Variants in KLF12 observed in about 807,000 individuals in gnomAD.
KLF12 encodes the protein KLF transcription factor 12, also known as Krueppel-like factor 12.
A neutral mutation model predicts 37.8 loss-of-function variants in KLF12; 9 were observed. That is an observed-to-expected ratio of 0.24 (90% CI 0.14 to 0.42). The LOEUF (loss-of-function observed/expected upper bound fraction) is 0.42, where lower values mean the gene tolerates loss of function less well. Among genes scored for constraint, KLF12 ranks in the 10% least tolerant of loss-of-function variants. The pLI, the probability that KLF12 is intolerant of heterozygous loss-of-function variation, is 1.00. For synonymous variants in KLF12, 208 were observed against 202.1 expected (o/e 1.03, Z -0.25); for missense variants, 411 against 516.0 (o/e 0.80, Z 1.97).
chr13:73,922,065 A>G (rs1889141534), intron 3 of KLF12, among the ~76,000 whole-genome samples: 1 of 152,028 alleles, frequency 6.6e-6, no homozygotes, highest in South Asian at 2.1e-4. Context: ...ATTTTCTACT[A>G]TTGCATACAA....
the KLF12 span, among the ~76,000 whole-genome samples, chr13:74,168,605 A>C: frequency 6.6e-6 from 1 of 152,212 alleles, no homozygotes; most frequent in South Asian, 2.1e-4. Flanking sequence ...TATATTCAGC[A>C]AACACAGTGA....
chr13:74,159,146 G>A, the KLF12 span, among the ~76,000 whole-genome samples: 3 of 152,134 alleles, frequency 2.0e-5, no homozygotes, highest in East Asian at 5.8e-4. Context: ...TGTCCCACTA[G>A]GTCATGTTCC....
intron 4 of KLF12, among the ~76,000 whole-genome samples, chr13:73,842,980 C>T (rs949190305): frequency 1.3e-5 from 2 of 152,142 alleles, no homozygotes; most frequent in African/African-American, 4.8e-5. Context: ...AATGCTATAG[C>T]AACATTTGTA....
chr13:74,197,805 G>A, the KLF12 span, among the ~76,000 whole-genome samples: 2 of 152,002 alleles, frequency 1.3e-5, no homozygotes, highest in Non-Finnish European at 2.9e-5. Flanking sequence ...TTCATATTCT[G>A]TAAATTTTTC....
the KLF12 span, among the ~76,000 whole-genome samples, chr13:74,287,389 A>AGAGAGAGAGG: frequency 6.6e-5 from 10 of 150,762 alleles, no homozygotes; most frequent in African/African-American, 2.5e-4. Context: ...AGAGAGAGAG[A>AGAGAGAGAGG]GAGAGAATCC....
chr13:74,258,161 T>TGTG, the KLF12 span: 29 of 133,948 alleles, frequency 2.2e-4, 2 homozygotes, highest in Admixed American at 1.7e-3. Flanking sequence ...ATTACTGTGT[T>TGTG]TGTGTGTGTG....
chr13:74,074,462 G>C (rs544975600), intron 1 of KLF12, among the ~76,000 whole-genome samples: 1 of 152,112 alleles, frequency 6.6e-6, no homozygotes, highest in South Asian at 2.1e-4. Context: ...TCATCTAACT[G>C]GACTCTGATC....
chr13:74,295,960 T>C, the KLF12 span, among the ~76,000 whole-genome samples: 1 of 151,880 alleles, frequency 6.6e-6, no homozygotes, highest in African/African-American at 2.4e-5. Context: ...ATGATAGACA[T>C]GCGCCTCCCT....
At chr13:73,791,089 C>G (rs1881657749) in intron 5 of KLF12, among the ~76,000 whole-genome samples, 1 of 152,158 alleles carries the variant, frequency 6.6e-6, no homozygotes, top group Non-Finnish European at 1.5e-5. Context: ...TATTATTTCC[C>G]AGATCCTAAA....
At chr13:74,204,653 C>A in the KLF12 span, among the ~76,000 whole-genome samples, 1 of 152,080 alleles carries the variant, frequency 6.6e-6, no homozygotes, top group Non-Finnish European at 1.5e-5. Flanking sequence ...GCCTTCTTCT[C>A]TAAATTGTAA....
At chr13:74,047,224 GC>G (rs1893570478) in intron 1 of KLF12, among the ~76,000 whole-genome samples, 1 of 152,010 alleles carries the variant, frequency 6.6e-6, no homozygotes. Context: ...GTGAGGATTT[GC>G]CCCTTAGTCA....
chr13:74,066,719 A>G (rs1490529004), intron 1 of KLF12, among the ~76,000 whole-genome samples: 2 of 152,200 alleles, frequency 1.3e-5, no homozygotes, highest in African/African-American at 4.8e-5. Context: ...ATATGTGAAT[A>G]TATATCTCTT....
intron 1 of KLF12, among the ~76,000 whole-genome samples, chr13:74,079,296 T>C (rs966276309): frequency 2.6e-5 from 4 of 152,170 alleles, no homozygotes; most frequent in African/African-American, 7.2e-5. Flanking sequence ...GTTCTGGACA[T>C]GTATGGTGCT....
chr13:74,145,410 T>A, the KLF12 span, among the ~76,000 whole-genome samples: 80 of 152,210 alleles, frequency 5.3e-4, no homozygotes, highest in Non-Finnish European at 1.1e-3. Flanking sequence ...TTATCCTCAT[T>A]GTTTATATGG....
intron 7 of KLF12, among the ~76,000 whole-genome samples, chr13:73,707,675 C>G (rs1875054348): frequency 6.6e-6 from 1 of 152,120 alleles, no homozygotes; most frequent in Admixed American, 6.6e-5. Context: ...AAGTCATGAA[C>G]AGCAGCACTC....
intron 5 of KLF12, among the ~76,000 whole-genome samples, chr13:73,785,926 G>A (rs1435525789): frequency 6.6e-6 from 1 of 151,936 alleles, no homozygotes; most frequent in Non-Finnish European, 1.5e-5. Flanking sequence ...CCAGCCCCCT[G>A]TCTTTTGACA....
the KLF12 span, among the ~76,000 whole-genome samples, chr13:74,279,270 A>G: frequency 6.6e-6 from 1 of 152,172 alleles, no homozygotes; most frequent in Admixed American, 6.5e-5. Flanking sequence ...AGCTCTTTCT[A>G]AAAGTAATGC....
At chr13:74,242,235 A>G in the KLF12 span, among the ~76,000 whole-genome samples, 143 of 152,266 alleles carry the variant, frequency 9.4e-4, 4 homozygotes, top group South Asian at 0.028. Flanking sequence ...ATTTTCTTTG[A>G]CATGTGTATT....
intron 6 of KLF12, among the ~76,000 whole-genome samples, chr13:73,735,955 T>C (rs73214990): frequency 1.4e-3 from 132 of 95,626 alleles, no homozygotes; most frequent in Non-Finnish European, 2.0e-3. Context: ...TTCTTTCTTT[T>C]TCTTTTTTTT....
Sources: allele counts gnomAD v4.1 joint callset (sites outside exome capture counted in the v4.1 genomes callset), GRCh38; gene constraint gnomAD v4.1.1; transcripts MANE v1.5; gene names NCBI Gene and HGNC (gene_info 2026-07-23, HGNC 2026-07-21).